The following IGSF11 variants were observed in gnomAD, a reference collection of about 807,000 sequenced individuals.
The protein encoded by IGSF11 is immunoglobulin superfamily member 11.
A neutral mutation model predicts 41.0 loss-of-function variants in IGSF11; 22 were observed. That is an observed-to-expected ratio of 0.54 (90% CI 0.38 to 0.77). The LOEUF (loss-of-function observed/expected upper bound fraction) is 0.77. IGSF11 is among the 30% of genes least tolerant of loss of function. IGSF11 has a pLI of 0.00. For missense variants in IGSF11, 444 were observed against 530.8 expected, an observed-to-expected ratio of 0.84 and a Z score of 1.61; for synonymous variants, 219 against 201.3, an observed-to-expected ratio of 1.09 and a Z score of -0.74.
At chr3:118,904,835 G>A in intron 5 of IGSF11, 37 bp from the exon 6 acceptor site, 1 of 1,544,458 alleles carries the variant, frequency 6.5e-7, no homozygotes, top group African/African-American at 1.4e-5. Context: ...AAAGAAAAGA[G>A]AAAGAGAGAA....
chr3:118,916,445 G>C (rs1941104311), intron 4 of IGSF11, among the ~76,000 whole-genome samples: 1 of 151,934 alleles, frequency 6.6e-6, no homozygotes, highest in Non-Finnish European at 1.5e-5. Flanking sequence ...AAAAAAGGCA[G>C]GGGTTGCAAT....
At chr3:119,131,615 A>G (rs571719381) in intron 1 of IGSF11, among the ~76,000 whole-genome samples, 152 of 152,352 alleles carry the variant, frequency 1.0e-3, no homozygotes, top group African/African-American at 3.6e-3. Context: ...GAACCAAGTC[A>G]GAAAACACTC....
chr3:119,049,423 T>G (rs1334146685), intron 1 of IGSF11, among the ~76,000 whole-genome samples: 2 of 152,138 alleles, frequency 1.3e-5, no homozygotes, highest in Admixed American at 6.5e-5. Context: ...ATAAAATACT[T>G]AGGAATCCAA....
At chr3:119,012,007 A>G (rs993971334) in intron 1 of IGSF11, among the ~76,000 whole-genome samples, 1 of 151,874 alleles carries the variant, frequency 6.6e-6, no homozygotes, top group East Asian at 1.9e-4. Context: ...TCTTTCCTCT[A>G]GCAATATAGT....
At chr3:119,142,314 A>T (rs2077660967) in intron 1 of IGSF11, among the ~76,000 whole-genome samples, 1 of 150,312 alleles carries the variant, frequency 6.7e-6, no homozygotes, top group Non-Finnish European at 1.5e-5. Context: ...CATGTATTGG[A>T]CATCCAGAAA....
chr3:119,060,868 T>C (rs920547454), intron 1 of IGSF11, among the ~76,000 whole-genome samples: 3 of 152,210 alleles, frequency 2.0e-5, no homozygotes, highest in Non-Finnish European at 2.9e-5. Flanking sequence ...ATGAACACTC[T>C]TCCTTAAGAG....
chr3:119,074,334 A>G (rs1576765840), intron 1 of IGSF11, among the ~76,000 whole-genome samples: 2 of 152,000 alleles, frequency 1.3e-5, no homozygotes, highest in South Asian at 2.2e-4. Context: ...ACAGTGCAAT[A>G]AAAAAAGAAA....
chr3:119,106,100 A>G (rs1454254245), upstream of IGSF11, among the ~76,000 whole-genome samples: 1 of 152,168 alleles, frequency 6.6e-6, no homozygotes, highest in East Asian at 1.9e-4. Flanking sequence ...CTCTTGATTT[A>G]TTTATGGGAT....
chr3:119,048,810 G>A (rs1941485779), intron 1 of IGSF11, among the ~76,000 whole-genome samples: 1 of 151,898 alleles, frequency 6.6e-6, no homozygotes, highest in Admixed American at 6.6e-5. Flanking sequence ...TGATCAAGTG[G>A]GCTTCATCCC....
chr3:119,079,578 G>A (rs749956503), intron 1 of IGSF11, among the ~76,000 whole-genome samples: 1 of 152,098 alleles, frequency 6.6e-6, no homozygotes, highest in Non-Finnish European at 1.5e-5. Context: ...AGAGATACGT[G>A]TACATGTGTG....
Position 119,138,295 on chromosome 3 carries a change from A to G in IGSF11, c.-14+7518T>C, listed in dbSNP as rs112751303. Among the ~76,000 whole-genome samples, 549 of 152,330 alleles carry G rather than the reference A, an allele frequency of 3.6e-3. 2 individuals are homozygous for G. The highest frequency in any genetic ancestry group is 0.012 in the African/African-American group (513 of 41,570). ...CATGTTTATTGCTGCACTATTCACA[A>G]TAGCCAATATTTGGAAGCAACCTGA... On this transcript the variant is annotated intron_variant, in intron 1 of 7. Transcript: ENST00000425327.
intron 1 of IGSF11, among the ~76,000 whole-genome samples, chr3:119,104,086 A>G (rs2076981182): frequency 6.6e-6 from 1 of 152,162 alleles, no homozygotes; most frequent in Non-Finnish European, 1.5e-5. Flanking sequence ...AGCCATTTTT[A>G]AAATAGAAAT....
At chr3:119,085,422 T>TA (rs2076655381) in intron 1 of IGSF11, among the ~76,000 whole-genome samples, 1 of 151,980 alleles carries the variant, frequency 6.6e-6, no homozygotes, top group Admixed American at 6.6e-5. Context: ...AGTTAAGAAA[T>TA]AAAAATCATC....
At chr3:118,964,871 T>C (rs1024473765) in intron 1 of IGSF11, among the ~76,000 whole-genome samples, 6 of 152,208 alleles carry the variant, frequency 3.9e-5, no homozygotes, top group South Asian at 2.1e-4. Flanking sequence ...CAGAATACAA[T>C]AGTTGATATG....
At chr3:119,057,853 A>T (rs1941907893) in intron 1 of IGSF11, among the ~76,000 whole-genome samples, 1 of 152,232 alleles carries the variant, frequency 6.6e-6, no homozygotes, top group Non-Finnish European at 1.5e-5. Context: ...GACAAACCTG[A>T]CAAAAACAAG....
At chr3:118,997,062 G>T (rs750028680) in intron 1 of IGSF11, among the ~76,000 whole-genome samples, 1 of 151,642 alleles carries the variant, frequency 6.6e-6, no homozygotes, top group Non-Finnish European at 1.5e-5. Flanking sequence ...GATGTGCAAG[G>T]GGTGACCCTA....
intron 1 of IGSF11, among the ~76,000 whole-genome samples, chr3:119,135,468 A>G (rs150723482): frequency 0.016 from 2,504 of 152,372 alleles, 70 homozygotes; most frequent in African/African-American, 0.057. Flanking sequence ...AAAAATGCTC[A>G]TCATCACTGG....
intron 1 of IGSF11, among the ~76,000 whole-genome samples, chr3:119,056,002 G>A (rs1294726890): frequency 6.6e-6 from 1 of 152,134 alleles, no homozygotes; most frequent in African/African-American, 2.4e-5. Flanking sequence ...AGCAGTAAAT[G>A]CCCACAAGAG....
chr3:119,045,173 A>G (rs1040591109), intron 1 of IGSF11, among the ~76,000 whole-genome samples: 2 of 152,238 alleles, frequency 1.3e-5, no homozygotes, highest in Non-Finnish European at 1.5e-5. Context: ...GCTCCGGTCT[A>G]CAGCTCCCAG....
Sources: gnomAD v4.1 joint callset for allele counts (sites outside exome capture counted in the v4.1 genomes callset) on GRCh38, gnomAD v4.1.1 for gene constraint, MANE v1.5 for transcripts, NCBI Gene and HGNC (gene_info 2026-07-23, HGNC 2026-07-21) for gene names.